The following SYNJ1 variants were observed in gnomAD, a reference collection of about 807,000 sequenced individuals.
The protein encoded by SYNJ1 is synaptojanin 1, also known as polyphosphatidylinositol phosphatase SYNJ1.
Under a neutral mutation model 168.2 loss-of-function variants are expected in SYNJ1, and 78 were observed. The ratio of observed to expected loss-of-function variants is 0.46; its 90% CI spans 0.39 to 0.56. The LOEUF (loss-of-function observed/expected upper bound fraction) is 0.56. Ranked by LOEUF, SYNJ1 falls within the 20% of genes least tolerant of loss-of-function variation. The pLI, the probability that SYNJ1 is intolerant of heterozygous loss-of-function variation, is 0.00. For missense variants in SYNJ1, 1,303 were observed against 1,597.6 expected (o/e 0.82, Z 3.14); for synonymous variants, 539 against 548.6 (o/e 0.98, Z 0.24).
At chr21:32,683,332 G>T (rs529453635) in intron 10 of SYNJ1, among the ~76,000 whole-genome samples, 1 of 150,498 alleles carries the variant, frequency 6.6e-6, no homozygotes, top group East Asian at 2.0e-4. Flanking sequence ...TGATGGATAA[G>T]TAGTAAAGAA....
At chr21:32,648,738 C>T (rs2040165205) in intron 23 of SYNJ1, among the ~76,000 whole-genome samples, 1 of 152,278 alleles carries the variant, frequency 6.6e-6, no homozygotes, top group Non-Finnish European at 1.5e-5. Flanking sequence ...TAACAAATGC[C>T]CATGCTTTGC....
At chr21:32,635,931 A>G (rs2039547426) in intron 31 of SYNJ1, among the ~76,000 whole-genome samples, 1 of 152,146 alleles carries the variant, frequency 6.6e-6, no homozygotes, top group Non-Finnish European at 1.5e-5. Flanking sequence ...TTTGAGGTAA[A>G]TCTTCTCCAA....
intron 2 of SYNJ1, among the ~76,000 whole-genome samples, chr21:32,703,910 A>G (rs1020701048): frequency 1.3e-5 from 2 of 151,878 alleles, no homozygotes; most frequent in African/African-American, 4.8e-5. Context: ...TTGTAGAGAT[A>G]CAGTTTCTCT....
chr21:32,634,835 T>G, intron 32 of SYNJ1, 26 bp downstream of exon 32: 1 of 1,612,572 alleles, frequency 6.2e-7, no homozygotes, highest in Non-Finnish European at 8.5e-7. Context: ...TGAAAACACA[T>G]GTAAGATTGA....
chr21:32,645,104 C>A (rs1455821946), intron 25 of SYNJ1, 98 bp from the exon 26 acceptor site: 9 of 1,207,986 alleles, frequency 7.5e-6, no homozygotes, highest in African/African-American at 4.7e-5. Flanking sequence ...CATCAAGTAT[C>A]ATGCAGGAAT....
chr21:32,700,197 T>C, intron 3 of SYNJ1, 92 bp from the exon 4 acceptor site: 1 of 1,400,490 alleles, frequency 7.1e-7, no homozygotes, highest in Non-Finnish European at 9.6e-7. Context: ...AAATCTGACA[T>C]TGTGATTATT....
chr21:32,688,253 T>A, intron 7 of SYNJ1, 53 bp downstream of exon 7: 1 of 1,541,286 alleles, frequency 6.5e-7, no homozygotes, highest in South Asian at 1.2e-5. Context: ...ATACAAGCAG[T>A]CCCACTGCTT....
intron 2 of SYNJ1, among the ~76,000 whole-genome samples, chr21:32,708,933 G>A (rs1438755794): frequency 6.6e-6 from 1 of 151,694 alleles, no homozygotes; most frequent in African/African-American, 2.4e-5. Flanking sequence ...TCCTAGGCAA[G>A]ATAGCAAGAC....
chr21:32,668,468 T>C (rs946158812), intron 15 of SYNJ1, among the ~76,000 whole-genome samples: 5 of 152,350 alleles, frequency 3.3e-5, no homozygotes, highest in East Asian at 1.9e-4. Context: ...CTCAGAGTTA[T>C]AGTCTAGTTT....
intron 30 of SYNJ1, 29 bp from the exon 31 acceptor site, chr21:32,639,154 G>A (rs1569026444): frequency 1.9e-6 from 3 of 1,577,656 alleles, no homozygotes; most frequent in Non-Finnish European, 2.6e-6. Context: ...TCAGATGTTA[G>A]GTATATTCTA....
intron 29 of SYNJ1, 30 bp from the exon 30 acceptor site, chr21:32,639,809 AT>A: frequency 6.4e-7 from 1 of 1,568,550 alleles, no homozygotes; most frequent in Non-Finnish European, 8.8e-7. Context: ...CACTTGAGAC[AT>A]TTACTTACCT....
intron 8 of SYNJ1, 33 bp downstream of exon 8, chr21:32,686,945 G>T: frequency 7.4e-7 from 1 of 1,352,368 alleles, no homozygotes; most frequent in Non-Finnish European, 1.0e-6. Context: ...GGTGTCCATG[G>T]GCCAGAATGA....
chr21:32,685,953 A>G lies in SYNJ1; in HGVS notation c.949-36T>C, dbSNP rs1203652389. On this transcript the variant is annotated intron_variant, in intron 8 of 32. Transcript: ENST00000674351. ...AAAGGCAAATATTCATCTAAATGAA[A>G]GTAAAAAGGCAAATATCCATCTAAA... The G allele has an allele frequency of 3.8e-6, 6 of 1,584,558 alleles. No individual in the cohort carries two copies. In the African/African-American group the frequency reaches 8.2e-5, roughly 22 times the overall value.
In SYNJ1 at chr21:32,645,758, C is replaced by T. The variant is rs1431284592; in HGVS notation, c.3279G>A (p.Pro1093=). 19 of 1,463,574 alleles carry T rather than the reference C, an allele frequency of 1.3e-5. No individual in the cohort carries two copies. The highest frequency in any genetic ancestry group is 1.6e-5 in the Non-Finnish European group (18 of 1,105,708). The allele number at this position is 1,463,574 out of a possible 1,614,324, so 90.7% of individuals were successfully genotyped here. A position where few individuals can be genotyped will look rare whatever the true frequency, so the allele number is the denominator to read the frequency against. The part of the protein sequence containing the change: ...SSPIDAQPAT[P]LPQKDPAQPL... ...GCTGGGCGGGGTCTTTCTGCGGCAG[C>T]GGCGTTGCTGGCTGCGCGTCAATAG... The change falls in exon 25 of 33, where the codon CCG becomes CCA. Residue 1093 remains proline (P), a synonymous_variant. Coordinates refer to ENST00000674351, the MANE Select transcript of SYNJ1 (RefSeq NM_203446.3).
intron 1 of SYNJ1, among the ~76,000 whole-genome samples, chr21:32,727,525 G>C (rs2043520466): frequency 1.3e-5 from 2 of 152,072 alleles, no homozygotes; most frequent in African/African-American, 4.8e-5. Flanking sequence ...CGATAAATAC[G>C]AATGGCCACC....
chr21:32,724,583 G>T (rs1238131371), intron 2 of SYNJ1, among the ~76,000 whole-genome samples: 1 of 152,220 alleles, frequency 6.6e-6, no homozygotes, highest in Non-Finnish European at 1.5e-5. Flanking sequence ...TCAGGGAGCT[G>T]GGATTATTGA....
chr21:32,691,679 A>C (rs997438728), intron 6 of SYNJ1, among the ~76,000 whole-genome samples: 1 of 152,250 alleles, frequency 6.6e-6, no homozygotes, highest in African/African-American at 2.4e-5. Flanking sequence ...GTAACACCTT[A>C]TGACAATTCT....
At chr21:32,662,620 T>C (rs976381972) in intron 18 of SYNJ1, among the ~76,000 whole-genome samples, 1 of 152,254 alleles carries the variant, frequency 6.6e-6, no homozygotes, top group East Asian at 1.9e-4. Flanking sequence ...ATCTTGAAAT[T>C]TGATGCCTGT....
Position 32,650,280 on chromosome 21 carries a change from T to C in SYNJ1, c.2941A>G (p.Met981Val). ...GCAATGCTAATTTTCTCTAAACTCA[T>C]TTCTTCTTCCAAATTTTTGATCCAG... ...PDWIKNLEEEMSLEKISIALP... is the reference protein window; with the variant it reads ...PDWIKNLEEEVSLEKISIALP... The change falls in exon 23 of 33, where the codon ATG becomes GTG. Residue 981 changes from methionine (M) to valine (V), a missense_variant. Physicochemically the swap from Met to Val is conservative, Grantham distance 21 (BLOSUM62 1). Around this residue, in one of 2 missense-constraint regions of SYNJ1, gnomAD observed 920 missense variants for 1,208.8 expected, o/e 0.76. Coordinates refer to ENST00000674351, the MANE Select transcript of SYNJ1 (RefSeq NM_203446.3). 6.2e-7 allele frequency: 1 copy of C among 1,614,072 alleles called. No homozygotes were observed.
Sources: allele counts gnomAD v4.1 joint callset (sites outside exome capture counted in the v4.1 genomes callset), GRCh38; gene constraint gnomAD v4.1.1; regional missense constraint gnomAD v4.1.1; transcripts MANE v1.5; gene names NCBI Gene and HGNC (gene_info 2026-07-23, HGNC 2026-07-21).